Variants in STK32C observed in about 807,000 individuals in gnomAD.
STK32C encodes the protein serine/threonine-protein kinase 32C.
Under a neutral mutation model 56.5 loss-of-function variants are expected in STK32C, and 31 were observed. The observed-to-expected ratio is 0.55, with a 90% CI of 0.41 to 0.74. STK32C has a LOEUF of 0.74. Among genes scored for constraint, STK32C ranks in the 30% least tolerant of loss-of-function variants. The pLI is 0.00. For synonymous variants in STK32C, 309 were observed against 289.4 expected (o/e 1.07, Z -0.69); for missense variants, 544 against 676.9 (o/e 0.80, Z 2.18).
chr10:132,227,543 T>C (rs2137725635), intron 3 of STK32C, among the ~76,000 whole-genome samples: 1 of 152,048 alleles, frequency 6.6e-6, no homozygotes, highest in South Asian at 2.1e-4. Context: ...ATAGTGATTG[T>C]GTTGATTATA....
chr10:132,243,802 A>T (rs952899119), intron 2 of STK32C, among the ~76,000 whole-genome samples: 2 of 152,030 alleles, frequency 1.3e-5, no homozygotes, highest in Non-Finnish European at 2.9e-5. Context: ...ACCCGGTCAG[A>T]CTCTAAATGC....
At chr10:132,246,901 G>A (rs748324525) in intron 1 of STK32C, among the ~76,000 whole-genome samples, 9 of 152,154 alleles carry the variant, frequency 5.9e-5, no homozygotes, top group Non-Finnish European at 1.0e-4. Context: ...CGTGTCCCCA[G>A]GTCTGCACCC....
chr10:132,289,348 G>T (rs2065500158), intron 1 of STK32C, among the ~76,000 whole-genome samples: 1 of 152,212 alleles, frequency 6.6e-6, no homozygotes, highest in Non-Finnish European at 1.5e-5. Context: ...CATCAAAAGA[G>T]ACCGCTGAGA....
chr10:132,308,696 C>A (rs2066159704), upstream of STK32C, among the ~76,000 whole-genome samples: 1 of 152,204 alleles, frequency 6.6e-6, no homozygotes, highest in Non-Finnish European at 1.5e-5. Context: ...GACCCCCGTC[C>A]GGCCTGAGAC....
intron 1 of STK32C, among the ~76,000 whole-genome samples, chr10:132,304,504 C>T (rs2066000564): frequency 6.6e-6 from 1 of 152,182 alleles, no homozygotes; most frequent in African/African-American, 2.4e-5. Context: ...ATCGCTGAAT[C>T]AACAAGCACC....
At chr10:132,249,575 C>G (rs114324584) in intron 1 of STK32C, among the ~76,000 whole-genome samples, 2 of 152,136 alleles carry the variant, frequency 1.3e-5, no homozygotes, top group Non-Finnish European at 2.9e-5. Flanking sequence ...GCCCAGACCC[C>G]GCAAGGTGAG....
intron 8 of STK32C, among the ~76,000 whole-genome samples, chr10:132,224,115 G>A (rs1590171337): frequency 6.6e-6 from 1 of 152,166 alleles, no homozygotes; most frequent in African/African-American, 2.4e-5. Flanking sequence ...GACCGGCAGG[G>A]CGGGCGCACA....
At chr10:132,244,869 A>G (rs1292216532) in intron 2 of STK32C, among the ~76,000 whole-genome samples, 4 of 152,298 alleles carry the variant, frequency 2.6e-5, no homozygotes, top group Admixed American at 2.6e-4. Context: ...CGCCAGCTTC[A>G]GCACCTCACC....
At position 132,331,321 on chromosome 10, in the gene STK32C, G is replaced by C. The variant is rs2066720189; in HGVS notation, c.301+115C>G. On this transcript the variant is annotated intron_variant, in intron 1 of 1. Transcript: ENST00000368619. Reference sequence around the variant, plus strand: ...ACTTTTCATTATCAGTTGGATCCTGGAATGAAGGTGCACGGGACTCCAGGG... The same window carrying C: ...ACTTTTCATTATCAGTTGGATCCTGCAATGAAGGTGCACGGGACTCCAGGG... The C allele has an allele frequency of 1.9e-5, 20 of 1,040,696 alleles. No individual in the cohort carries two copies. In the South Asian group the frequency reaches 3.3e-4, roughly 17 times the overall value. 64.5% of individuals were successfully genotyped at this position (1,040,696 alleles called of 1,614,324 possible).
At chr10:132,217,291 G>T (rs1479494056) in intron 10 of STK32C, among the ~76,000 whole-genome samples, 1 of 152,240 alleles carries the variant, frequency 6.6e-6, no homozygotes. Context: ...TTTCAGACTT[G>T]CATGGGGCCT....
rs199828055 is a variant in STK32C, at chr10:132,288,219, AAC to A, written c.262+19351_262+19352del. Among the ~76,000 whole-genome samples, 43 of 152,350 alleles carry A rather than the reference AAC, an allele frequency of 2.8e-4. 1 individual carries two copies. The East Asian group carries it at 8.3e-3, about 29-fold the overall frequency. ...AATCCTCAACCCTCACCGCATGTGA[AAC>A]ACAAAAATTAACAGCTATAAAACTT... On this transcript the variant is annotated intron_variant, in intron 1 of 11. Transcript: ENST00000298630.
upstream of STK32C, chr10:132,331,974 C>A (rs1250375219): frequency 1.2e-5 from 6 of 492,852 alleles, no homozygotes; most frequent in South Asian, 3.2e-5. Context: ...ACCCCGCCCC[C>A]TCCCGGGCAG....
intron 1 of STK32C, among the ~76,000 whole-genome samples, chr10:132,294,444 G>A (rs953567873): frequency 6.6e-6 from 1 of 152,204 alleles, no homozygotes; most frequent in African/African-American, 2.4e-5. Flanking sequence ...AGACGGCAGG[G>A]AGTGAGTGAG....
intron 1 of STK32C, among the ~76,000 whole-genome samples, chr10:132,293,600 A>C (rs2065638643): frequency 6.6e-6 from 1 of 152,154 alleles, no homozygotes; most frequent in Admixed American, 6.5e-5. Flanking sequence ...AGGCACACGG[A>C]GGGTGCCGTG....
intron 1 of STK32C, among the ~76,000 whole-genome samples, chr10:132,253,938 A>G (rs59449737): frequency 0.059 from 9,030 of 152,330 alleles, 594 homozygotes; most frequent in African/African-American, 0.16. Context: ...GCTGGCCCAC[A>G]TGGGCATAGA....
At chr10:132,214,602 G>A (rs913658393) in intron 10 of STK32C, among the ~76,000 whole-genome samples, 1 of 152,140 alleles carries the variant, frequency 6.6e-6, no homozygotes, top group African/African-American at 2.4e-5. Flanking sequence ...AATGAATAGA[G>A]GTAAAATGAA....
intron 7 of STK32C, among the ~76,000 whole-genome samples, chr10:132,224,836 G>A (rs1189090202): frequency 1.3e-5 from 2 of 152,182 alleles, no homozygotes; most frequent in African/African-American, 4.8e-5. Flanking sequence ...GCAGGGCTGA[G>A]GGGTACGGTC....
chr10:132,279,665 A>C (rs76662665), intron 1 of STK32C, among the ~76,000 whole-genome samples: 8 of 79,092 alleles, frequency 1.0e-4, no homozygotes, highest in Non-Finnish European at 1.8e-4. Context: ...TCCATGATCA[A>C]GCCACTGCAC....
intron 1 of STK32C, among the ~76,000 whole-genome samples, chr10:132,264,188 A>G (rs1383493248): frequency 6.6e-6 from 1 of 152,212 alleles, no homozygotes; most frequent in Non-Finnish European, 1.5e-5. Context: ...CAACATTGTC[A>G]ATGCACTAAA....
Sources: gnomAD v4.1 joint callset for allele counts (sites outside exome capture counted in the v4.1 genomes callset) on GRCh38, gnomAD v4.1.1 for gene constraint, MANE v1.5 for transcripts, NCBI Gene and HGNC (gene_info 2026-07-23, HGNC 2026-07-21) for gene names.